The following TRPC5 variants were observed in gnomAD, a reference collection of about 807,000 sequenced individuals.
TRPC5 encodes the protein short transient receptor potential channel 5.
A neutral mutation model predicts 56.5 loss-of-function variants in TRPC5; 9 were observed. That is an observed-to-expected ratio of 0.16 (90% CI 0.10 to 0.28). The LOEUF (loss-of-function observed/expected upper bound fraction) is 0.28. TRPC5 is among the 10% of genes least tolerant of loss of function. The pLI is 1.00. For missense variants in TRPC5, 469 were observed against 748.9 expected (o/e 0.63, Z 4.36); for synonymous variants, 282 against 278.5 (o/e 1.01, Z -0.13).
chrX:111,915,933 C>T (rs1324060542), intron 2 of TRPC5, among the ~76,000 whole-genome samples: 1 of 109,071 alleles, frequency 9.2e-6, no homozygotes, highest in East Asian at 2.8e-4. Context: ...TAGTGAGACT[C>T]TGTCTCTAAA....
rs778466347 is a variant in TRPC5 at position 112,019,443 on chromosome X, T to G, written c.-22+62436A>C. On this transcript the variant is annotated intron_variant, in intron 1 of 10. Transcript: ENST00000262839. ...TAAAATAACTCCCCCGGTTTTCCTT[T>G]TTTTTTTTTTGGGATGGAATCTCGC... Among the ~76,000 whole-genome samples the G allele has an allele frequency of 4.6e-5, 5 of 109,656 alleles. No individual in the cohort carries two copies. The South Asian group carries it at 1.2e-3, about 26-fold the overall frequency.
intron 2 of TRPC5, among the ~76,000 whole-genome samples, chrX:111,950,949 C>A (rs1927071659): frequency 8.9e-6 from 1 of 111,769 alleles, no homozygotes; most frequent in Non-Finnish European, 1.9e-5. Context: ...TTTAGTGAAC[C>A]TTTAGACAGC....
chrX:112,047,783 T>C (rs1415235150), intron 1 of TRPC5, among the ~76,000 whole-genome samples: 1 of 111,990 alleles, frequency 8.9e-6, no homozygotes, highest in Non-Finnish European at 1.9e-5. Flanking sequence ...TATTTCTTTC[T>C]CATCCTTCAG....
intron 7 of TRPC5, among the ~76,000 whole-genome samples, chrX:111,789,332 T>G (rs1469932825): frequency 8.9e-6 from 1 of 112,034 alleles, no homozygotes; most frequent in African/African-American, 3.2e-5. Flanking sequence ...CCCTATTTAA[T>G]AAATGGTACT....
chrX:111,997,839 A>G (rs759630118), intron 1 of TRPC5, among the ~76,000 whole-genome samples: 12 of 110,745 alleles, frequency 1.1e-4, no homozygotes, highest in Admixed American at 2.0e-4. Context: ...TTTCAGCTCC[A>G]TCAGGTCATT....
At chrX:111,783,526 T>C (rs983231455) in intron 7 of TRPC5, among the ~76,000 whole-genome samples, 1 of 111,165 alleles carries the variant, frequency 9.0e-6, no homozygotes, top group East Asian at 2.8e-4. Flanking sequence ...TGGCTAATGA[T>C]GTTGAGCATC....
rs1569524859 is a variant in TRPC5, at chrX:111,771,459, AAC to A, written c.*4852_*4853del. On this transcript the variant is annotated 3_prime_UTR_variant, in exon 11 of 11. Transcript: ENST00000262839. ...ATACAAATCCACTCAAGTTGGGGAT[AAC>A]ACAAATACTGAGCCTAAAGATGCTA... Among the ~76,000 whole-genome samples the A allele has an allele frequency of 8.9e-6, 1 of 111,869 alleles. No individual in the cohort carries two copies. Among genetic ancestry groups the A allele is most frequent in the Non-Finnish European group, 1.9e-5 (1 of 53,192 alleles).
chrX:111,867,708 C>A (rs974666013), intron 3 of TRPC5, among the ~76,000 whole-genome samples: 10 of 111,783 alleles, frequency 8.9e-5, no homozygotes, highest in Non-Finnish European at 1.9e-4. Context: ...TTCTTCATTC[C>A]GTCCCTGCTA....
At chrX:111,859,812 T>TA (rs1186600716) in intron 3 of TRPC5, among the ~76,000 whole-genome samples, 1 of 112,803 alleles carries the variant, frequency 8.9e-6, no homozygotes, top group Non-Finnish European at 1.9e-5. Flanking sequence ...TTTTTTTTTT[T>TA]AATTGTGTTC....
chrX:111,972,544 G>C (rs1927812799), intron 1 of TRPC5, among the ~76,000 whole-genome samples: 1 of 112,175 alleles, frequency 8.9e-6, no homozygotes. Context: ...CTGCCCCTGG[G>C]AACTCAGTGT....
intron 1 of TRPC5, among the ~76,000 whole-genome samples, chrX:112,070,817 C>T (rs1801779247): frequency 9.1e-6 from 1 of 110,009 alleles, no homozygotes; most frequent in African/African-American, 3.3e-5. Flanking sequence ...AGTATAGTTT[C>T]TATTTGTATA....
At chrX:111,920,435 C>T (rs1001094397) in intron 2 of TRPC5, among the ~76,000 whole-genome samples, 4 of 111,486 alleles carry the variant, frequency 3.6e-5, no homozygotes, top group Non-Finnish European at 7.5e-5. Flanking sequence ...TAACTTAATA[C>T]AAGTTAACCC....
intron 1 of TRPC5, among the ~76,000 whole-genome samples, chrX:112,025,486 T>C (rs1929389323): frequency 8.9e-6 from 1 of 112,105 alleles, no homozygotes; most frequent in Non-Finnish European, 1.9e-5. Flanking sequence ...GTCGTAAATT[T>C]GTTTAATATA....
chrX:111,791,359 G>T (rs1453059312), intron 7 of TRPC5, among the ~76,000 whole-genome samples: 3 of 111,661 alleles, frequency 2.7e-5, no homozygotes, highest in African/African-American at 9.8e-5. Context: ...GGCTATCCAT[G>T]GGCCCAAGCT....
At chrX:111,996,788 C>G (rs1034740304) in intron 1 of TRPC5, among the ~76,000 whole-genome samples, 1 of 111,434 alleles carries the variant, frequency 9.0e-6, no homozygotes, top group Non-Finnish European at 1.9e-5. Flanking sequence ...TTATCAGAGA[C>G]TAGGATTGCA....
chrX:111,768,535 A>G lies in TRPC5; in HGVS notation c.*7778T>C, dbSNP rs1042503388. 8.9e-6 allele frequency among the ~76,000 whole-genome samples: 1 copy of G among 111,955 alleles called. No homozygotes were observed. The highest frequency in any genetic ancestry group is 3.2e-5 in the African/African-American group (1 of 30,846). On this transcript the variant is annotated 3_prime_UTR_variant, in exon 11 of 11. Coordinates refer to ENST00000262839, the MANE Select transcript of TRPC5 (RefSeq NM_012471.3). The stretch of plus-strand genomic sequence containing the variant: ...AATAGTACCTCTGGTGTGCATTCCT[A>G]TTATAAGAAACAAACTAAAATGTAT...
chrX:111,897,885 A>G lies in TRPC5; in HGVS notation c.900+14406T>C, dbSNP rs954970006. 4.5e-5 allele frequency among the ~76,000 whole-genome samples: 5 copies of G among 111,235 alleles called. No individual in the cohort carries two copies. In the Admixed American group the frequency reaches 4.8e-4, roughly 11 times the overall value. On this transcript the variant is annotated intron_variant, in intron 3 of 10. Coordinates refer to ENST00000262839, the MANE Select transcript of TRPC5 (RefSeq NM_012471.3). ...TTGTGAACTTTCACTTAATTTGGGT[A>G]AATACCTATGAGTAGAATTGCTGGG...
At chrX:111,867,007 C>A (rs969754111) in intron 3 of TRPC5, among the ~76,000 whole-genome samples, 1 of 111,962 alleles carries the variant, frequency 8.9e-6, no homozygotes, top group Non-Finnish European at 1.9e-5. Flanking sequence ...GCAAGAGAGA[C>A]CAGCCATGAT....
chrX:111,979,636 A>C (rs932092351), intron 1 of TRPC5, among the ~76,000 whole-genome samples: 1 of 111,548 alleles, frequency 9.0e-6, no homozygotes, highest in Non-Finnish European at 1.9e-5. Context: ...GAAACAAATA[A>C]TCTGGTTTTT....
Sources: gnomAD v4.1 joint callset for allele counts (sites outside exome capture counted in the v4.1 genomes callset) on GRCh38, gnomAD v4.1.1 for gene constraint, MANE v1.5 for transcripts, NCBI Gene and HGNC (gene_info 2026-07-23, HGNC 2026-07-21) for gene names.